Variants in ONECUT1 observed in about 807,000 individuals in gnomAD.
ONECUT1 encodes the protein one cut homeobox 1, also known as hepatocyte nuclear factor 6.
ONECUT1 carries 12 observed loss-of-function variants against 25.6 expected under a neutral mutation model. That is an observed-to-expected ratio of 0.47 (90% CI 0.30 to 0.76). The LOEUF (loss-of-function observed/expected upper bound fraction) is 0.76. ONECUT1 is among the 30% of genes least tolerant of loss of function. The probability of loss-of-function intolerance (pLI) is 0.07; values close to 1 mark genes in which losing one functional copy is unlikely to be tolerated. For missense variants in ONECUT1, 620 were observed against 651.2 expected, an observed-to-expected ratio of 0.95 and a Z score of 0.52; for synonymous variants, 285 against 270.2, an observed-to-expected ratio of 1.05 and a Z score of -0.54.
At chr15:52,772,609 G>A (rs571413510) in intron 1 of ONECUT1, among the ~76,000 whole-genome samples, 5 of 152,276 alleles carry the variant, frequency 3.3e-5, no homozygotes, top group African/African-American at 1.2e-4. Flanking sequence ...ATGGAAGGGA[G>A]GGAGCTGTGG....
chr15:52,788,668 A>AG lies in ONECUT1; in HGVS notation c.1105+111dup, dbSNP rs2083892885. The AG allele has an allele frequency of 8.6e-7, 1 of 1,164,028 alleles. No homozygotes were observed. Among genetic ancestry groups the AG allele is most frequent in the East Asian group, 2.5e-5 (1 of 40,390 alleles). 72.1% of individuals were successfully genotyped at this position (1,164,028 alleles called of 1,614,324 possible). A position where few individuals can be genotyped will look rare whatever the true frequency, so the allele number is the denominator to read the frequency against. Reference sequence around the variant, plus strand: ...CACAGGGAGTCCCCCTTCTAGGGGTAGGGGCGGGCGGGATGAAGCGCACCC... The same window carrying AG: ...CACAGGGAGTCCCCCTTCTAGGGGTAGGGGGCGGGCGGGATGAAGCGCACCC... On this transcript the variant is annotated intron_variant, in intron 1 of 1. Coordinates refer to ENST00000305901, the MANE Select transcript of ONECUT1 (RefSeq NM_004498.4). This position sits in a 1 kb window ranked among gnomAD's most constrained non-coding sequence, Gnocchi z 4.3.
At chr15:52,759,061 G>A (rs1327310505) in intron 1 of ONECUT1, among the ~76,000 whole-genome samples, 2 of 152,204 alleles carry the variant, frequency 1.3e-5, no homozygotes, top group Non-Finnish European at 2.9e-5. Flanking sequence ...GCGTTCTAGA[G>A]CAGCCACTGC....
Position 52,789,274 on chromosome 15 carries a change from C to G in ONECUT1, c.611G>C (p.Gly204Ala). 1 of 1,547,620 alleles carries G rather than the reference C, an allele frequency of 6.5e-7. No homozygotes were observed. Among genetic ancestry groups the G allele is most frequent in the Middle Eastern group, 1.7e-4 (1 of 5,728 alleles). The change falls in exon 1 of 2, where the codon GGG (glycine) becomes GCG (alanine). Residue 204 changes from glycine (G) to alanine (A), a missense_variant. Physicochemically the swap from Gly to Ala is moderately conservative, Grantham distance 60. This residue lies in a region of ONECUT1 where 440 missense variants were observed against 404.9 expected (regional missense o/e 1.09). Coordinates refer to ENST00000305901, the MANE Select transcript of ONECUT1 (RefSeq NM_004498.4). The surrounding 1 kb of genome is among the most constrained non-coding windows in gnomAD (Gnocchi z 4.1). ...CATCTTGTCGGTGGGCATGGCGGCCCCCGGGTGGGCATAGTGGGGGAGCCC... is the reference window on the plus strand; with the variant it reads ...CATCTTGTCGGTGGGCATGGCGGCCGCCGGGTGGGCATAGTGGGGGAGCCC... ...QQGLPHYAHP[G>A]AAMPTDKMLT... is the part of the protein sequence containing the mutation.
chr15:52,769,112 C>T (rs372383360), intron 1 of ONECUT1, among the ~76,000 whole-genome samples: 271 of 152,294 alleles, frequency 1.8e-3, no homozygotes, highest in South Asian at 0.013. Flanking sequence ...ACAAAAAGAT[C>T]CCTGTGCAAT....
At chr15:52,765,850 G>T (rs1465463188) in intron 1 of ONECUT1, among the ~76,000 whole-genome samples, 2 of 152,234 alleles carry the variant, frequency 1.3e-5, no homozygotes, top group African/African-American at 4.8e-5. Context: ...GGCAAATTCA[G>T]AGGGCACAGC....
Position 52,779,079 on chromosome 15 carries a change from T to A in ONECUT1, c.1105+9701A>T, listed in dbSNP as rs188155014. On this transcript the variant is annotated intron_variant, in intron 1 of 1. Coordinates refer to ENST00000305901, the MANE Select transcript of ONECUT1 (RefSeq NM_004498.4). ...TGTAAATATTCAAATAACTGACTAG[T>A]TTATTTAATTAATTAATTTATTTTG... Among the ~76,000 whole-genome samples, 376 of 151,860 alleles carry A rather than the reference T, an allele frequency of 2.5e-3. 3 individuals are homozygous for A. Among genetic ancestry groups the A allele is most frequent in the Non-Finnish European group, 1.9e-3 (130 of 67,966 alleles).
At chr15:52,770,538 C>T (rs1056189823) in intron 1 of ONECUT1, among the ~76,000 whole-genome samples, 2 of 152,176 alleles carry the variant, frequency 1.3e-5, no homozygotes, top group African/African-American at 2.4e-5. Flanking sequence ...GAGTCCCGAG[C>T]GTGAACTCCA....
In ONECUT1 at chr15:52,789,039, A is replaced by C. The variant is rs778037090; in HGVS notation, c.846T>G (p.Asn282Lys). Residue 282 changes from asparagine to lysine, a missense_variant, in exon 1 of 2, where the codon AAT becomes AAG. Asn to Lys is a moderately conservative substitution (Grantham distance 94, BLOSUM62 0). Around this residue, in one of 4 missense-constraint regions of ONECUT1, gnomAD observed 146 missense variants for 201.8 expected, o/e 0.72. Coordinates refer to ENST00000305901, the MANE Select transcript of ONECUT1 (RefSeq NM_004498.4). This position sits in a 1 kb window ranked among gnomAD's most constrained non-coding sequence, Gnocchi z 4.1. ...CTTCCATCTGCCCTGAATTACTTCC[A>C]TTGCTGACCTGCGCGCCGGTCACCG... ...NPSVTGAQVS[N>K]GSNSGQMEEI... 2.5e-6 allele frequency: 4 copies of C among 1,605,002 alleles called. No individual in the cohort carries two copies. Among genetic ancestry groups the C allele is most frequent in the Non-Finnish European group, 3.4e-6 (4 of 1,179,930 alleles).
At chr15:52,778,201 A>C (rs1015958428) in intron 1 of ONECUT1, among the ~76,000 whole-genome samples, 8 of 152,282 alleles carry the variant, frequency 5.3e-5, no homozygotes, top group African/African-American at 1.9e-4. Flanking sequence ...CTAGAACATT[A>C]GTTGCCTTGT....
rs1209100639 is a variant in ONECUT1 at position 52,788,784 on chromosome 15, T to C, written c.1101A>G (p.Leu367=). 6.2e-7 allele frequency: 1 copy of C among 1,609,352 alleles called. No homozygotes were observed. The highest frequency in any genetic ancestry group is 1.1e-5 in the South Asian group (1 of 90,728). The change falls in exon 1 of 2, where the codon TTA becomes TTG. Residue 367 remains leucine, a synonymous_variant. Coordinates refer to ENST00000305901, the MANE Select transcript of ONECUT1 (RefSeq NM_004498.4). This position sits in a 1 kb window ranked among gnomAD's most constrained non-coding sequence, Gnocchi z 4.3. ...CCAGCTCCTTGGCCGGCTCACCTGCTAAGCGGAGCGCGGACATGCGCTGGA... is the reference window on the plus strand; with the variant it reads ...CCAGCTCCTTGGCCGGCTCACCTGCCAAGCGGAGCGCGGACATGCGCTGGA... ...PEFQRMSALR[L]AACKRKEQEH... is the part of the protein sequence containing the mutation.
intron 1 of ONECUT1, chr15:52,787,691 C>A (rs2083885960): frequency 6.6e-6 from 1 of 152,300 alleles, no homozygotes; most frequent in African/African-American, 2.4e-5. Context: ...TTGGCAACCG[C>A]CGGCCGGATC....
intron 1 of ONECUT1, among the ~76,000 whole-genome samples, chr15:52,770,097 T>C (rs765021322): frequency 2.6e-5 from 4 of 152,236 alleles, no homozygotes; most frequent in Non-Finnish European, 1.5e-5. Flanking sequence ...CTGGCTATTA[T>C]AGAGCCCTGG....
intron 1 of ONECUT1, among the ~76,000 whole-genome samples, chr15:52,778,302 T>C (rs527642966): frequency 3.3e-5 from 5 of 152,362 alleles, no homozygotes; most frequent in African/African-American, 1.2e-4. Context: ...AAATAGTTTT[T>C]ATATATCATG....
chr15:52,780,393 A>G (rs767182836), intron 1 of ONECUT1, among the ~76,000 whole-genome samples: 5 of 152,202 alleles, frequency 3.3e-5, no homozygotes, highest in Non-Finnish European at 7.3e-5. Context: ...AGCTCACTGG[A>G]TTAATGATGA....
In ONECUT1 at chr15:52,789,786, G is replaced by T. The variant is rs202151356; in HGVS notation, c.99C>A (p.His33Gln). Residue 33 changes from histidine (H) to glutamine (Q), a missense_variant, in exon 1 of 2, where the codon CAC becomes CAA. By Grantham distance (24) the His-to-Gln change is conservative. Around this residue, in one of 4 missense-constraint regions of ONECUT1, gnomAD observed 440 missense variants for 404.9 expected, o/e 1.09. Coordinates refer to ENST00000305901, the MANE Select transcript of ONECUT1 (RefSeq NM_004498.4). The surrounding 1 kb of genome is among the most constrained non-coding windows in gnomAD (Gnocchi z 4.1). ...CGCGGTGCGCCACGGAGCTGCGCGC[G>T]TGGGGGCTGCCGCCCAGCAGGTCGG... ...APADLLGGSP[H>Q]ARSSVAHRGS... 929 of 1,450,346 alleles carry T rather than the reference G, an allele frequency of 6.4e-4. 1 individual carries two copies. In the Middle Eastern group the frequency reaches 8.0e-3, roughly 12 times the overall value. 89.8% of individuals were successfully genotyped at this position (1,450,346 alleles called of 1,614,324 possible).
Position 52,789,323 on chromosome 15 carries a change from C to A in ONECUT1, c.562G>T (p.Gly188Cys), listed in dbSNP as rs976088234. Residue 188 changes from glycine to cysteine, a missense_variant, in exon 1 of 2, where the codon GGC (glycine) becomes TGC (cysteine). Transcript: ENST00000305901. The surrounding 1 kb of genome is among the most constrained non-coding windows in gnomAD (Gnocchi z 4.1). ...SLSPLSSSGL[G>C]SIHNSQQGLP... ...CCTTGCTGGGAGTTGTGGATGCTGC[C>A]CAGACCGGAGCTGGAGAGGGGCGAG... is the stretch of plus-strand genomic sequence containing the variant. 1.3e-6 allele frequency: 2 copies of A among 1,580,366 alleles called. No homozygotes were observed. Among genetic ancestry groups the A allele is most frequent in the Non-Finnish European group, 1.7e-6 (2 of 1,161,402 alleles).
chr15:52,787,933 C>A (rs2083887781), intron 1 of ONECUT1: 1 of 152,218 alleles, frequency 6.6e-6, no homozygotes, highest in Admixed American at 6.5e-5. Flanking sequence ...GGGCAGGAGA[C>A]CTCTGCTCCT....
Position 52,790,008 on chromosome 15 carries a change from TG to T in ONECUT1, c.-125del. The T allele has an allele frequency of 2.2e-6, 3 of 1,368,202 alleles. No homozygotes were observed. The highest frequency in any genetic ancestry group is 2.8e-6 in the Non-Finnish European group (3 of 1,061,594). The allele number at this position is 1,368,202 out of a possible 1,614,324, so 84.8% of individuals were successfully genotyped here. A position where few individuals can be genotyped will look rare whatever the true frequency, so the allele number is the denominator to read the frequency against. On this transcript the variant is annotated 5_prime_UTR_variant, in exon 1 of 2. Coordinates refer to ENST00000305901, the MANE Select transcript of ONECUT1 (RefSeq NM_004498.4). ...ACTGTTGCCTTCCTTCCTCTCACTGTGGGGCTCTGTCTCTCTCTCTCTCTCT... is the reference window on the plus strand; with the variant it reads ...ACTGTTGCCTTCCTTCCTCTCACTGTGGGCTCTGTCTCTCTCTCTCTCTCT...
chr15:52,768,502 T>C (rs2083748107), intron 1 of ONECUT1, among the ~76,000 whole-genome samples: 1 of 152,212 alleles, frequency 6.6e-6, no homozygotes, highest in African/African-American at 2.4e-5. Flanking sequence ...ATAGATGCTC[T>C]AGTTATTATG....
Sources: allele counts gnomAD v4.1 joint callset (sites outside exome capture counted in the v4.1 genomes callset), GRCh38; gene constraint gnomAD v4.1.1; regional missense constraint gnomAD v4.1.1; non-coding constraint Gnocchi (gnomAD v3.1); transcripts MANE v1.5; gene names NCBI Gene and HGNC (gene_info 2026-07-23, HGNC 2026-07-21).